Variants in AGXT observed in about 807,000 individuals in gnomAD.
The protein encoded by AGXT is alanine--glyoxylate aminotransferase.
In AGXT, 41 loss-of-function variants were observed where a neutral mutation model predicts 46.9. The observed-to-expected ratio is 0.88, with a 90% CI of 0.68 to 1.14. The LOEUF (loss-of-function observed/expected upper bound fraction) is 1.14. Ranked by LOEUF, AGXT falls within the 50% of genes most tolerant of loss-of-function variation. AGXT has a pLI of 0.00. For missense variants in AGXT, 525 were observed against 522.7 expected (o/e 1.00, Z -0.04); for synonymous variants, 244 against 227.9 (o/e 1.07, Z -0.64).
chr2:240,872,996 T>C lies in AGXT; in HGVS notation c.542T>C (p.Leu181Pro). 1 of 1,613,954 alleles carries C rather than the reference T, an allele frequency of 6.2e-7. No individual in the cohort carries two copies. Among genetic ancestry groups the C allele is most frequent in the Non-Finnish European group, 8.5e-7 (1 of 1,179,916 alleles). Residue 181 changes from leucine (L) to proline (P), a missense_variant, in exon 5 of 11, where the codon CTG becomes CCG. Coordinates refer to ENST00000307503, the MANE Select transcript of AGXT (RefSeq NM_000030.3). The part of the protein sequence containing the change: ...ELCHRYKCLL[L>P]VDSVASLGGT... ...CTCTCCAGGTACAAGTGCCTGCTCC[T>C]GGTGGATTCGGTGGCATCCCTGGGC... is the stretch of plus-strand genomic sequence containing the variant.
In AGXT at chr2:240,875,136, G is replaced by A; in HGVS notation, c.708G>A (p.Lys236=). 6.2e-7 allele frequency: 1 copy of A among 1,613,818 alleles called. No individual in the cohort carries two copies. The part of the protein sequence containing the change: ...AKKKMYSRKT[K]PFSFYLDIKW... ...AGAAGATGTACTCCCGCAAGACGAA[G>A]CCCTTCTCCTTCTACCTGGACATCA... The change falls in exon 7 of 11, where the codon AAG becomes AAA. Residue 236 remains lysine (K), a synonymous_variant. Coordinates refer to ENST00000307503, the MANE Select transcript of AGXT (RefSeq NM_000030.3).
intron 9 of AGXT, 102 bp from the exon 10 acceptor site, chr2:240,877,920 C>T: frequency 6.5e-7 from 1 of 1,527,590 alleles, no homozygotes; most frequent in African/African-American, 1.4e-5. Context: ...TCCCCCGGCT[C>T]CTCTGGAACC....
chr2:240,879,001 G>T lies in AGXT; in HGVS notation c.*180G>T. The T allele has an allele frequency of 3.1e-6, 2 of 655,714 alleles. No homozygotes were observed. Among genetic ancestry groups the T allele is most frequent in the Non-Finnish European group, 5.4e-6 (2 of 367,900 alleles). 40.6% of individuals were successfully genotyped at this position (655,714 alleles called of 1,614,324 possible). On this transcript the variant is annotated 3_prime_UTR_variant, in exon 11 of 11. Coordinates refer to ENST00000307503, the MANE Select transcript of AGXT (RefSeq NM_000030.3). The stretch of plus-strand genomic sequence containing the variant: ...CCCAGGCAGCCCTTTTCCCTCCAGT[G>T]GCACCTCCTGGAAACAGTCCACTTG...
intron 6 of AGXT, among the ~76,000 whole-genome samples, chr2:240,874,572 C>T (rs2059012784): frequency 1.3e-5 from 2 of 152,236 alleles, no homozygotes; most frequent in South Asian, 4.1e-4. Context: ...TTCCCCAGAA[C>T]AGAGAGGACT....
rs2059042347 is a variant in AGXT, at chr2:240,878,825, G to C, written c.*4G>C. 6.3e-7 allele frequency: 1 copy of C among 1,583,310 alleles called. No homozygotes were observed. Among genetic ancestry groups the C allele is most frequent in the Non-Finnish European group, 8.6e-7 (1 of 1,167,530 alleles). ...CTGCCCCAAGAAGAAGCTGTGACCT[G>C]CCCACTGGCACACAGCTGGCACTGG... is the stretch of plus-strand genomic sequence containing the variant. On this transcript the variant is annotated 3_prime_UTR_variant, in exon 11 of 11. Transcript: ENST00000307503.
chr2:240,875,279 A>G, intron 7 of AGXT, 75 bp downstream of exon 7: 1 of 1,266,562 alleles, frequency 7.9e-7, no homozygotes, highest in Non-Finnish European at 1.1e-6. Flanking sequence ...CTCTCACTGC[A>G]CTCAGGGATT....
intron 4 of AGXT, 145 bp from the exon 5 acceptor site, chr2:240,872,834 C>A: frequency 1.4e-6 from 1 of 717,944 alleles, no homozygotes; most frequent in Admixed American, 2.0e-5. Flanking sequence ...GAGAAGGCAA[C>A]TGGCCAACTC....
In AGXT at chr2:240,878,699, C is replaced by T; in HGVS notation, c.1072-15C>T. 6.5e-7 allele frequency: 1 copy of T among 1,544,926 alleles called. No homozygotes were observed. The highest frequency in any genetic ancestry group is 8.7e-7 in the Non-Finnish European group (1 of 1,148,540). Reference sequence around the variant, plus strand: ...CAGGCGGGAGGCTGACGTCAGCCCGCCCTGTGCCCCCCAGGTGCTGCGGAT... The same window carrying T: ...CAGGCGGGAGGCTGACGTCAGCCCGTCCTGTGCCCCCCAGGTGCTGCGGAT... On this transcript the variant is annotated splice_polypyrimidine_tract_variant and intron_variant, in intron 10 of 10. Transcript: ENST00000307503.
intron 3 of AGXT, 179 bp from the exon 4 acceptor site, chr2:240,871,170 A>G: frequency 1.5e-6 from 1 of 648,032 alleles, no homozygotes; most frequent in Non-Finnish European, 2.8e-6. Context: ...TGTTCTTGGA[A>G]AAGCCCTTGT....
chr2:240,872,931 G>A (rs755134732), intron 4 of AGXT, 48 bp from the exon 5 acceptor site: 3 of 1,528,640 alleles, frequency 2.0e-6, no homozygotes, highest in Admixed American at 1.7e-5. Context: ...CCCTCCAGTG[G>A]CCCCCTGCCT....
chr2:240,872,548 C>T (rs1037358507), intron 4 of AGXT, among the ~76,000 whole-genome samples: 1 of 152,082 alleles, frequency 6.6e-6, no homozygotes, highest in Admixed American at 6.5e-5. Context: ...TCCCCTCTGG[C>T]CTAGATTCTG....
chr2:240,875,955 T>TA lies in AGXT; in HGVS notation c.797_798insA (p.Ile267HisfsTer65). 6.2e-7 allele frequency: 1 copy of TA among 1,614,124 alleles called. No individual in the cohort carries two copies. Among genetic ancestry groups the TA allele is most frequent in the South Asian group, 1.1e-5 (1 of 91,074 alleles). On this transcript the variant is annotated frameshift_variant, in exon 8 of 11. Transcript: ENST00000307503. LOFTEE classifies it high-confidence loss of function. ...TCCAGGTACCATCACACAATCCCCG[T>TA]CATCAGCCTGTACAGCCTGAGAGAG...
intron 4 of AGXT, 125 bp downstream of exon 4, chr2:240,871,574 G>A: frequency 1.1e-6 from 1 of 903,454 alleles, no homozygotes; most frequent in South Asian, 1.4e-5. Flanking sequence ...CACATGGTAT[G>A]GGGTGCAGGC....
chr2:240,872,851 T>G (rs1575709220), intron 4 of AGXT, 128 bp from the exon 5 acceptor site: 1 of 789,616 alleles, frequency 1.3e-6, no homozygotes, highest in East Asian at 2.5e-5. Flanking sequence ...ACTCCTGGGG[T>G]GGAGGTGGGA....
intron 1 of AGXT, 25 bp from the exon 2 acceptor site, chr2:240,869,145 C>T (rs747661915): frequency 1.7e-5 from 27 of 1,610,392 alleles, no homozygotes; most frequent in Non-Finnish European, 2.3e-5. Context: ...GAGCCTGGGT[C>T]TCACCCTATA....
In AGXT at chr2:240,877,620, C is replaced by T. The variant is rs886055842; in HGVS notation, c.930C>T (p.Phe310=). ...GRLQALGLQL[F]VKDPALRLPT... ...TGCAGGCACTGGGGCTGCAGCTCTT[C>T]GTGAAGGACCCGGTAAGGAGGCCCC... is the stretch of plus-strand genomic sequence containing the variant. The change falls in exon 9 of 11, where the codon TTC becomes TTT. Residue 310 remains phenylalanine (F), a synonymous_variant. Transcript: ENST00000307503. 2.2e-5 allele frequency: 34 copies of T among 1,550,788 alleles called. No homozygotes were observed. Among genetic ancestry groups the T allele is most frequent in the Admixed American group, 7.8e-5 (4 of 50,990 alleles).
Position 240,868,855 on chromosome 2 carries a change from G to T in AGXT, c.-11G>T. ...GCCCCAGGTTCCCGAGCGGCAGGTT[G>T]GGTGCGGACCATGGCCTCTCACAAG... is the stretch of plus-strand genomic sequence containing the variant. On this transcript the variant is annotated 5_prime_UTR_variant, in exon 1 of 11. Transcript: ENST00000307503. 1 of 1,606,272 alleles carries T rather than the reference G, an allele frequency of 6.2e-7. No individual in the cohort carries two copies. The highest frequency in any genetic ancestry group is 2.3e-5 in the East Asian group (1 of 44,440).
In AGXT at chr2:240,874,068, T is replaced by C; in HGVS notation, c.680+6T>C. 1 of 1,612,768 alleles carries C rather than the reference T, an allele frequency of 6.2e-7. No individual in the cohort carries two copies. The highest frequency in any genetic ancestry group is 2.2e-5 in the East Asian group (1 of 44,852). On this transcript the variant is annotated splice_donor_region_variant and intron_variant, in intron 6 of 10. Coordinates refer to ENST00000307503, the MANE Select transcript of AGXT (RefSeq NM_000030.3). Reference sequence around the variant, plus strand: ...TCCTTCAGTGACAAGGCCAAGTGAGTGACCCACAGACCCTCACCTCTGTGC... The same window carrying C: ...TCCTTCAGTGACAAGGCCAAGTGAGCGACCCACAGACCCTCACCTCTGTGC...
At chr2:240,869,700 C>T (rs1033026091) in intron 2 of AGXT, among the ~76,000 whole-genome samples, 1 of 148,258 alleles carries the variant, frequency 6.7e-6, no homozygotes, top group Admixed American at 6.7e-5. Context: ...GCCCCAGGCA[C>T]CAGCTCTGCT....
Sources: allele counts gnomAD v4.1 joint callset (sites outside exome capture counted in the v4.1 genomes callset), GRCh38; gene constraint gnomAD v4.1.1; transcripts MANE v1.5; gene names NCBI Gene and HGNC (gene_info 2026-07-23, HGNC 2026-07-21).